Variants in TNS1 observed in about 807,000 individuals in gnomAD.
The protein encoded by TNS1 is tensin-1.
A neutral mutation model predicts 168.6 loss-of-function variants in TNS1; 62 were observed. That is an observed-to-expected ratio of 0.37 (90% confidence interval 0.30 to 0.45). TNS1 has a LOEUF of 0.45. TNS1 is among the 20% of genes least tolerant of loss of function. The pLI is 1.00. For missense variants in TNS1, 2,240 were observed against 2,339.4 expected (o/e 0.96, Z 0.88); for synonymous variants, 934 against 933.2 (o/e 1.00, Z -0.02).
rs372933223 is a variant in TNS1, at chr2:217,808,097, T to C, written c.5353A>G (p.Thr1785Ala). ...TACTTAGCAGGGGCACCACCCTCTG[T>C]TTTCATCCACCTGTGGAGAGAAAGT... ...LDPQERKWMK[T>A]EGGAPAKLFG... Residue 1785 changes from threonine to alanine, a missense_variant, in exon 32 of 33, where the codon ACA becomes GCA. By Grantham distance (58) the Thr-to-Ala change is moderately conservative. Transcript: ENST00000682258. 10 of 1,613,016 alleles carry C rather than the reference T, an allele frequency of 6.2e-6. No individual in the cohort carries two copies. The highest frequency in any genetic ancestry group is 8.5e-6 in the Non-Finnish European group (10 of 1,179,964).
In TNS1 at chr2:217,847,512, G is replaced by T; in HGVS notation, c.3005C>A (p.Ala1002Glu). ...NLEGLVAHRV[A>E]GVQAREKQPA... ...AGTCAGGACTGAATACCTCTTACCT[G>T]CTACCCTGTGGGCCACCAGCCCTTC... Residue 1002 changes from alanine (A) to glutamate (E), a missense_variant and splice_region_variant, in exon 19 of 33, where the codon GCA becomes GAA. This residue lies in a region of TNS1 where 2,131 missense variants were observed against 2,171.2 expected (regional missense o/e 0.98). Coordinates refer to ENST00000682258, the MANE Select transcript of TNS1 (RefSeq NM_001387777.1). The T allele has an allele frequency of 6.8e-7, 1 of 1,464,772 alleles. No homozygotes were observed. Among genetic ancestry groups the T allele is most frequent in the African/African-American group, 1.4e-5 (1 of 71,338 alleles). 90.7% of individuals were successfully genotyped at this position (1,464,772 alleles called of 1,614,324 possible). A position where few individuals can be genotyped will look rare whatever the true frequency, so the allele number is the denominator to read the frequency against.
At chr2:217,896,469 G>A (rs987969133) in intron 8 of TNS1, among the ~76,000 whole-genome samples, 5 of 152,204 alleles carry the variant, frequency 3.3e-5, no homozygotes, top group Admixed American at 2.0e-4. Context: ...AGAAGGCCAC[G>A]TGGAGATGGA....
intron 3 of TNS1, among the ~76,000 whole-genome samples, chr2:217,961,762 C>T (rs1957503070): frequency 6.6e-6 from 1 of 152,178 alleles, no homozygotes; most frequent in Admixed American, 6.5e-5. Context: ...GAGAAAAGAA[C>T]TTTTGCTGAG....
At position 217,883,425 on chromosome 2, in the gene TNS1, C is replaced by T. The variant is rs145537822; in HGVS notation, c.1247-1014G>A. On this transcript the variant is annotated intron_variant, in intron 16 of 32. Coordinates refer to ENST00000682258, the MANE Select transcript of TNS1 (RefSeq NM_001387777.1). ...GCTAACAGGCACATGCCACCATGCC[C>T]GGCTAATTTTTTTATTTTTTGTAGA... Among the ~76,000 whole-genome samples, 38 of 152,152 alleles carry T rather than the reference C, an allele frequency of 2.5e-4. No homozygotes were observed. In the East Asian group the frequency reaches 3.1e-3, roughly 12 times the overall value.
intron 19 of TNS1, among the ~76,000 whole-genome samples, chr2:217,839,930 C>T (rs1423567586): frequency 6.6e-6 from 1 of 152,232 alleles, no homozygotes; most frequent in Non-Finnish European, 1.5e-5. Context: ...AGCCCTAGGG[C>T]AAGCCATGCC....
At chr2:217,892,063 C>T (rs1389907295) in intron 11 of TNS1, among the ~76,000 whole-genome samples, 1 of 152,214 alleles carries the variant, frequency 6.6e-6, no homozygotes, top group African/African-American at 2.4e-5. Flanking sequence ...ATTCCCAGGA[C>T]CTAGAACAGA....
chr2:217,818,789 GTGGACAGAAC>G (rs751195883), intron 23 of TNS1, 30 bp from the exon 24 acceptor site: 59 of 1,564,402 alleles, frequency 3.8e-5, no homozygotes, highest in Non-Finnish European at 4.9e-5. Flanking sequence ...TGCGATGTCA[GTGGACAGAAC>G]TGAATGAAGG....
chr2:217,946,666 G>A (rs984500665), intron 3 of TNS1, among the ~76,000 whole-genome samples: 3 of 151,974 alleles, frequency 2.0e-5, no homozygotes, highest in African/African-American at 7.3e-5. Context: ...GAGACGGGGC[G>A]ACCTGGAAGA....
chr2:217,955,410 G>A (rs531766102), intron 3 of TNS1, among the ~76,000 whole-genome samples: 1 of 152,098 alleles, frequency 6.6e-6, no homozygotes, highest in Non-Finnish European at 1.5e-5. Flanking sequence ...CCTGAGAAGT[G>A]GGCCCAAACA....
chr2:217,826,487 A>G (rs1022319250), intron 22 of TNS1, among the ~76,000 whole-genome samples: 3 of 152,116 alleles, frequency 2.0e-5, no homozygotes, highest in African/African-American at 7.2e-5. Context: ...CAAAGTGGGA[A>G]TGAGGATACC....
At chr2:217,955,858 C>G (rs746781711) in intron 3 of TNS1, among the ~76,000 whole-genome samples, 7 of 152,158 alleles carry the variant, frequency 4.6e-5, no homozygotes, top group Non-Finnish European at 1.0e-4. Flanking sequence ...CAATGTCCCT[C>G]TCAGGGAAAA....
At chr2:217,976,518 C>A (rs1410017565) in intron 3 of TNS1, among the ~76,000 whole-genome samples, 1 of 152,234 alleles carries the variant, frequency 6.6e-6, no homozygotes, top group Non-Finnish European at 1.5e-5. Context: ...GCCCATCTGT[C>A]TGCCTGGTTG....
chr2:217,948,333 A>G lies in TNS1; in HGVS notation c.187-28097T>C, dbSNP rs1404647008. On this transcript the variant is annotated intron_variant, in intron 3 of 32. Transcript: ENST00000682258. The surrounding 1 kb of genome is among the most constrained non-coding windows in gnomAD (Gnocchi z 4.1). ...CACTCTCTTCTTCCCCCTCCATCAC[A>G]GAGAAGGAAGGGCCACATGCCCAGG... 4.6e-5 allele frequency among the ~76,000 whole-genome samples: 7 copies of G among 152,128 alleles called. No individual in the cohort carries two copies. Among genetic ancestry groups the G allele is most frequent in the Admixed American group, 4.6e-4 (7 of 15,282 alleles).
chr2:217,982,713 TA>T (rs147758970), intron 2 of TNS1, among the ~76,000 whole-genome samples: 4,373 of 152,294 alleles, frequency 0.029, 216 homozygotes, highest in African/African-American at 0.099. Context: ...GTATTTATTT[TA>T]AACCACTAAG....
At chr2:217,924,484 C>T (rs141406438) in intron 3 of TNS1, among the ~76,000 whole-genome samples, 2 of 152,280 alleles carry the variant, frequency 1.3e-5, no homozygotes, top group South Asian at 2.1e-4. Flanking sequence ...ACATCTTATC[C>T]GTCAAACTAG....
At chr2:217,946,032 A>C (rs566426111) in intron 3 of TNS1, among the ~76,000 whole-genome samples, 67 of 152,290 alleles carry the variant, frequency 4.4e-4, no homozygotes, top group African/African-American at 1.4e-3. Flanking sequence ...AACGGACATC[A>C]AAGCGTCCCA....
intron 3 of TNS1, among the ~76,000 whole-genome samples, chr2:217,960,787 C>T (rs896504065): frequency 6.6e-6 from 1 of 152,134 alleles, no homozygotes; most frequent in African/African-American, 2.4e-5. Flanking sequence ...TAGGACAACC[C>T]CAATTCCCTC....
chr2:217,861,343 C>T (rs1948766366), intron 18 of TNS1, among the ~76,000 whole-genome samples: 1 of 152,220 alleles, frequency 6.6e-6, no homozygotes, highest in Non-Finnish European at 1.5e-5. Context: ...GGCAACCCCT[C>T]TCCCTGCAAG....
chr2:217,960,019 C>G (rs1212936477), intron 3 of TNS1, among the ~76,000 whole-genome samples: 1 of 152,042 alleles, frequency 6.6e-6, no homozygotes, highest in African/African-American at 2.4e-5. Flanking sequence ...GGAGGAGGAG[C>G]AGCAGCTGCA....
Sources: gnomAD v4.1 joint callset for allele counts (sites outside exome capture counted in the v4.1 genomes callset) on GRCh38, gnomAD v4.1.1 for gene constraint, gnomAD v4.1.1 regional missense constraint, Gnocchi (gnomAD v3.1) non-coding constraint, MANE v1.5 for transcripts, NCBI Gene and HGNC (gene_info 2026-07-23, HGNC 2026-07-21) for gene names.